FOXI3: variants seen among roughly 807,000 people sequenced by gnomAD.
FOXI3 encodes the protein forkhead box protein I3.
FOXI3 carries 4 observed loss-of-function variants against 15.6 expected under a neutral mutation model. The observed-to-expected ratio is 0.26, with a 90% confidence interval of 0.13 to 0.59. The LOEUF is 0.59. FOXI3 is among the 20% of genes least tolerant of loss of function. FOXI3 has a pLI of 0.90. For missense variants in FOXI3, 489 were observed against 548.2 expected (o/e 0.89, Z 1.08); for synonymous variants, 238 against 244.4 (o/e 0.97, Z 0.25).
chr2:88,450,846 TAAC>T (rs1219785241), intron 1 of FOXI3, among the ~76,000 whole-genome samples: 7 of 152,208 alleles, frequency 4.6e-5, no homozygotes, highest in African/African-American at 1.7e-4. Flanking sequence ...ACCGAGAAAA[TAAC>T]AAAGAATCTC....
At position 88,448,598 on chromosome 2, in the gene FOXI3, G is replaced by T. The variant is rs779671232; in HGVS notation, c.872C>A (p.Pro291Gln). Reference sequence around the variant, plus strand: ...TGAGGCAGTACTCTTGGTGCCCTCCGGAGGCTCTGGGGAGTGGGAAGGCCT... The same window carrying T: ...TGAGGCAGTACTCTTGGTGCCCTCCTGAGGCTCTGGGGAGTGGGAAGGCCT... ...LLRPSHSPEP[P>Q]EGTKSTASSP... Residue 291 changes from proline (P) to glutamine (Q), a missense_variant, in exon 2 of 2, where the codon CCG (proline) becomes CAG (glutamine). This residue lies in a region of FOXI3 where 263 missense variants were observed against 285.5 expected (regional missense o/e 0.92). Coordinates refer to ENST00000428390, the MANE Select transcript of FOXI3 (RefSeq NM_001135649.3). The T allele has an allele frequency of 1.3e-6, 2 of 1,551,460 alleles. No individual in the cohort carries two copies. The highest frequency in any genetic ancestry group is 2.4e-5 in the East Asian group (1 of 40,918).
Position 88,448,341 on chromosome 2 carries a change from CGGTGCTATTGCT to C in FOXI3, c.1117_1128del (p.Ser373_Thr376del), listed in dbSNP as rs767872970. On this transcript the variant is annotated inframe_deletion, in exon 2 of 2. Transcript: ENST00000428390. The stretch of plus-strand genomic sequence containing the variant: ...GGGCTGTAATAGGAAGATCTCTGGC[CGGTGCTATTGCT>C]GGTGCTATTGCTCAGTTGCAAGGTG... The C allele has an allele frequency of 1.0e-5, 16 of 1,551,604 alleles. No homozygotes were observed. In the South Asian group the frequency reaches 1.1e-4, roughly 10 times the overall value.
Position 88,448,403 on chromosome 2 carries a change from G to A in FOXI3, c.1067C>T (p.Thr356Ile). 1 of 1,551,638 alleles carries A rather than the reference G, an allele frequency of 6.4e-7. No individual in the cohort carries two copies. The highest frequency in any genetic ancestry group is 8.7e-7 in the Non-Finnish European group (1 of 1,146,982). Residue 356 changes from threonine to isoleucine, a missense_variant, in exon 2 of 2, where the codon ACC (threonine) becomes ATC (isoleucine). Around this residue, in one of 3 missense-constraint regions of FOXI3, gnomAD observed 263 missense variants for 285.5 expected, o/e 0.92. Coordinates refer to ENST00000428390, the MANE Select transcript of FOXI3 (RefSeq NM_001135649.3). ...QLPSSGVFSP[T>I]SISEASADTL... ...GTCTGCTGAGGCCTCTGAGATGGAG[G>A]TCGGGGAGAACACGCCGCTGGAGGG...
At position 88,452,549 on chromosome 2, in the gene FOXI3, GGCGGCTGCGGCGCGGCC is replaced by G. The variant is rs1676073376; in HGVS notation, c.-31_-15del. 9.2e-7 allele frequency: 1 copy of G among 1,082,382 alleles called. No individual in the cohort carries two copies. Among genetic ancestry groups the G allele is most frequent in the African/African-American group, 1.7e-5 (1 of 58,914 alleles). 67.0% of individuals were successfully genotyped at this position (1,082,382 alleles called of 1,614,324 possible). A position where few individuals can be genotyped will look rare whatever the true frequency, so the allele number is the denominator to read the frequency against. Reference sequence around the variant, plus strand: ...GTAGAGGGCCATGTCGGCGGCCGTGGGCGGCTGCGGCGCGGCCGCGGCGAGGGGCGAGCGGGGCTGGT... The same window carrying G: ...GTAGAGGGCCATGTCGGCGGCCGTGGGCGGCGAGGGGCGAGCGGGGCTGGT... On this transcript the variant is annotated 5_prime_UTR_variant, in exon 1 of 2. Transcript: ENST00000428390.
chr2:88,448,138 T>A lies in FOXI3; in HGVS notation c.*69A>T. The A allele has an allele frequency of 7.1e-7, 1 of 1,407,008 alleles. No individual in the cohort carries two copies. Among genetic ancestry groups the A allele is most frequent in the Admixed American group, 2.2e-5 (1 of 44,994 alleles). The allele number at this position is 1,407,008 out of a possible 1,614,324, so 87.2% of individuals were successfully genotyped here. A position where few individuals can be genotyped will look rare whatever the true frequency, so the allele number is the denominator to read the frequency against. On this transcript the variant is annotated 3_prime_UTR_variant, in exon 2 of 2. Coordinates refer to ENST00000428390, the MANE Select transcript of FOXI3 (RefSeq NM_001135649.3). ...CAGGTCCTACCCCAGACCTACTGAC[T>A]TGGAATCTGCATTCTAATCAGCATG...
At chr2:88,451,256 A>G (rs1676038537) in intron 1 of FOXI3, among the ~76,000 whole-genome samples, 1 of 152,164 alleles carries the variant, frequency 6.6e-6, no homozygotes, top group African/African-American at 2.4e-5. Flanking sequence ...CAAATATGGG[A>G]TATTCATTTC....
chr2:88,452,187 G>C lies in FOXI3; in HGVS notation c.349C>G (p.Pro117Ala). ...RPFAQPAPAA[P>A]ASPAAPAGPG... ...CCCGCGGGCGCGGCGGGCGAGGCGG[G>C]CGCGGCGGGCGCGGGCTGCGCGAAG... The change falls in exon 1 of 2, where the codon CCC becomes GCC. Residue 117 changes from proline to alanine, a missense_variant. Pro to Ala is a conservative substitution (Grantham distance 27). Around this residue, in one of 3 missense-constraint regions of FOXI3, gnomAD observed 224 missense variants for 245.7 expected, o/e 0.91. Transcript: ENST00000428390. 1 of 1,230,816 alleles carries C rather than the reference G, an allele frequency of 8.1e-7. No individual in the cohort carries two copies. The allele number at this position is 1,230,816 out of a possible 1,614,324, so 76.2% of individuals were successfully genotyped here.
chr2:88,449,079 T>C lies in FOXI3; in HGVS notation c.641-250A>G, dbSNP rs374579466. ...TACTACTTAAATCTGAAGACCTAAT[T>C]CCATTTCTGAGACACTTATAATTAA... On this transcript the variant is annotated intron_variant, in intron 1 of 1. Transcript: ENST00000428390. Among the ~76,000 whole-genome samples, 203 of 152,298 alleles carry C rather than the reference T, an allele frequency of 1.3e-3. 1 individual carries two copies. Among genetic ancestry groups the C allele is most frequent in the African/African-American group, 4.5e-3 (189 of 41,554 alleles).
At position 88,448,171 on chromosome 2, in the gene FOXI3, G is replaced by A. The variant is rs528514193; in HGVS notation, c.*36C>T. 7.0e-5 allele frequency: 105 copies of A among 1,501,228 alleles called. 1 individual carries two copies. In the South Asian group the frequency reaches 1.1e-3, roughly 15 times the overall value. 93.0% of individuals were successfully genotyped at this position (1,501,228 alleles called of 1,614,324 possible). A position where few individuals can be genotyped will look rare whatever the true frequency, so the allele number is the denominator to read the frequency against. The stretch of plus-strand genomic sequence containing the variant: ...TGCATTCTAATCAGCATGTGTGCAC[G>A]CCTCAGGTGTGCATACTCAAGTCTG... On this transcript the variant is annotated 3_prime_UTR_variant, in exon 2 of 2. Transcript: ENST00000428390.
In FOXI3 at chr2:88,448,570, A is replaced by T. The variant is rs1480493724; in HGVS notation, c.900T>A (p.Ser300=). Residue 300 remains serine (S), a synonymous_variant, in exon 2 of 2, where the codon TCT becomes TCA. Coordinates refer to ENST00000428390, the MANE Select transcript of FOXI3 (RefSeq NM_001135649.3). ...PPEGTKSTAS[S]PGGPMLTSTP... is the part of the protein sequence containing the mutation. ...TGGAGGTGAGCATGGGTCCTCCAGG[A>T]GATGAGGCAGTACTCTTGGTGCCCT... is the stretch of plus-strand genomic sequence containing the variant. 1 of 1,551,462 alleles carries T rather than the reference A, an allele frequency of 6.4e-7. No homozygotes were observed. The highest frequency in any genetic ancestry group is 8.7e-7 in the Non-Finnish European group (1 of 1,146,992).
chr2:88,449,141 G>A (rs1205081049), intron 1 of FOXI3, among the ~76,000 whole-genome samples: 2 of 151,222 alleles, frequency 1.3e-5, no homozygotes, highest in African/African-American at 4.9e-5. Flanking sequence ...GATCCAAATT[G>A]TATGACCTTG....
At chr2:88,451,470 C>G (rs1211687521) in intron 1 of FOXI3, among the ~76,000 whole-genome samples, 1 of 152,168 alleles carries the variant, frequency 6.6e-6, no homozygotes, top group Non-Finnish European at 1.5e-5. Context: ...GGCTGGACCC[C>G]AGTTCTCCCA....
At chr2:88,451,047 TC>T (rs1363500344) in intron 1 of FOXI3, among the ~76,000 whole-genome samples, 9 of 152,170 alleles carry the variant, frequency 5.9e-5, no homozygotes, top group Non-Finnish European at 1.0e-4. Flanking sequence ...TGGTTTCATC[TC>T]TTTTCTCTTT....
Position 88,452,178 on chromosome 2 carries a change from G to A in FOXI3, c.358C>T (p.Pro120Ser). ...TCCCCGGGCCCCGCGGGCGCGGCGG[G>A]CGAGGCGGGCGCGGCGGGCGCGGGC... ...AQPAPAAPAS[P>S]AAPAGPGELG... Residue 120 changes from proline (P) to serine (S), a missense_variant, in exon 1 of 2, where the codon CCC becomes TCC. Transcript: ENST00000428390. 1.6e-6 allele frequency: 2 copies of A among 1,280,118 alleles called. No individual in the cohort carries two copies. The highest frequency in any genetic ancestry group is 3.3e-5 in the East Asian group (1 of 30,768). The allele number at this position is 1,280,118 out of a possible 1,614,324, so 79.3% of individuals were successfully genotyped here. A position where few individuals can be genotyped will look rare whatever the true frequency, so the allele number is the denominator to read the frequency against.
In FOXI3 at chr2:88,452,246, G is replaced by A; in HGVS notation, c.290C>T (p.Pro97Leu). The A allele has an allele frequency of 2.9e-6, 3 of 1,043,704 alleles. No homozygotes were observed. Among genetic ancestry groups the A allele is most frequent in the Non-Finnish European group, 3.4e-6 (3 of 870,516 alleles). The allele number at this position is 1,043,704 out of a possible 1,614,324, so 64.7% of individuals were successfully genotyped here. A position where few individuals can be genotyped will look rare whatever the true frequency, so the allele number is the denominator to read the frequency against. The change falls in exon 1 of 2, where the codon CCT (proline) becomes CTT (leucine). Residue 97 changes from proline to leucine, a missense_variant. Physicochemically the swap from Pro to Leu is moderately conservative, Grantham distance 98 (BLOSUM62 -3). This residue lies in a region of FOXI3 where 224 missense variants were observed against 245.7 expected (regional missense o/e 0.91). Transcript: ENST00000428390. ...AAAGPFLQPP[P>L]AAGTFGCSQR... ...AGAGCAGCCGAAGGTGCCGGCGGCAGGCGGTGGCTGCAGAAAGGGCCCGGC... is the reference window on the plus strand; with the variant it reads ...AGAGCAGCCGAAGGTGCCGGCGGCAAGCGGTGGCTGCAGAAAGGGCCCGGC...
At chr2:88,451,379 T>C (rs1676040006) in intron 1 of FOXI3, among the ~76,000 whole-genome samples, 1 of 152,164 alleles carries the variant, frequency 6.6e-6, no homozygotes, top group Non-Finnish European at 1.5e-5. Flanking sequence ...TCTCTAGAGG[T>C]AGGCATCGTA....
In FOXI3 at chr2:88,452,306, C is replaced by G. The variant is rs1676065750; in HGVS notation, c.230G>C (p.Gly77Ala). ...AAAAAAAAYLGAPPPPPPPGA... is the reference protein window; with the variant it reads ...AAAAAAAAYLAAPPPPPPPGA... ...GGGGGGCGGCGGCGGCGGCGGAGCG[C>G]CCAGGTACGCGGCGGCGGCTGCGGC... is the stretch of plus-strand genomic sequence containing the variant. Residue 77 changes from glycine (G) to alanine (A), a missense_variant, in exon 1 of 2, where the codon GGC becomes GCC. By Grantham distance (60) the Gly-to-Ala change is moderately conservative. Around this residue, in one of 3 missense-constraint regions of FOXI3, gnomAD observed 224 missense variants for 245.7 expected, o/e 0.91. Transcript: ENST00000428390. 1.0e-6 allele frequency: 1 copy of G among 981,520 alleles called. No homozygotes were observed. The highest frequency in any genetic ancestry group is 1.8e-5 in the African/African-American group (1 of 56,444). 60.8% of individuals were successfully genotyped at this position (981,520 alleles called of 1,614,324 possible). A position where few individuals can be genotyped will look rare whatever the true frequency, so the allele number is the denominator to read the frequency against.
rs917716741 is a variant in FOXI3 at position 88,448,623 on chromosome 2, T to A, written c.847A>T (p.Arg283Trp). Reference protein sequence around the residue: ...PEEESPSTLLRPSHSPEPPEG... With the variant: ...PEEESPSTLLWPSHSPEPPEG... ...GGAGGCTCTGGGGAGTGGGAAGGCC[T>A]CAGCAGAGTGGAGGGGCTCTCTTCT... Residue 283 changes from arginine to tryptophan, a missense_variant, in exon 2 of 2, where the codon AGG (arginine) becomes TGG (tryptophan). Arg to Trp is a moderately radical substitution (Grantham distance 101). Transcript: ENST00000428390. 6.4e-7 allele frequency: 1 copy of A among 1,551,672 alleles called. No individual in the cohort carries two copies. The highest frequency in any genetic ancestry group is 8.7e-7 in the Non-Finnish European group (1 of 1,146,972).
chr2:88,451,727 C>T (rs2104263011), intron 1 of FOXI3, among the ~76,000 whole-genome samples, 169 bp downstream of exon 1: 1 of 152,356 alleles, frequency 6.6e-6, no homozygotes, highest in East Asian at 1.9e-4. Context: ...ATCTCCTGCT[C>T]CTTCCCTTTG....
Sources: allele counts gnomAD v4.1 joint callset (sites outside exome capture counted in the v4.1 genomes callset), GRCh38; gene constraint gnomAD v4.1.1; regional missense constraint gnomAD v4.1.1; transcripts MANE v1.5; gene names NCBI Gene and HGNC (gene_info 2026-07-23, HGNC 2026-07-21).